Variants in GNA13 observed in about 807,000 individuals in gnomAD.
GNA13 encodes guanine nucleotide-binding protein subunit alpha-13.
GNA13 carries 4 observed loss-of-function variants against 33.5 expected under a neutral mutation model. The observed-to-expected ratio is 0.12, with a 90% CI of 0.06 to 0.27. The LOEUF is 0.27. Ranked by LOEUF, GNA13 falls within the 10% of genes least tolerant of loss-of-function variation. GNA13 has a pLI of 1.00. For missense variants in GNA13, 319 were observed against 487.2 expected, an observed-to-expected ratio of 0.65 and a Z score of 3.25; for synonymous variants, 176 against 183.8, an observed-to-expected ratio of 0.96 and a Z score of 0.34.
rs1389984174 is a variant in GNA13 at position 65,011,675 on chromosome 17, C to A, written c.*2582G>T. ...TCAGATTTAAGAACAGAATGTAACACAGGATTAGGCACATTTTATTCCAAA... is the reference window on the plus strand; with the variant it reads ...TCAGATTTAAGAACAGAATGTAACAAAGGATTAGGCACATTTTATTCCAAA... On this transcript the variant is annotated 3_prime_UTR_variant, in exon 4 of 4. Coordinates refer to ENST00000439174, the MANE Select transcript of GNA13 (RefSeq NM_006572.6). 4.4e-6 allele frequency: 1 copy of A among 225,932 alleles called. No homozygotes were observed. Among genetic ancestry groups the A allele is most frequent in the Non-Finnish European group, 8.8e-6 (1 of 113,396 alleles). 14.0% of individuals were successfully genotyped at this position (225,932 alleles called of 1,614,324 possible). A position where few individuals can be genotyped will look rare whatever the true frequency, so the allele number is the denominator to read the frequency against.
rs1221436966 is a variant in GNA13 at position 65,021,380 on chromosome 17, T to A, written c.511-3077A>T. On this transcript the variant is annotated intron_variant, in intron 2 of 3. Transcript: ENST00000439174. ...GTTGCCCCCACTTCACAACAATAAT[T>A]TGTTATAAACATCCTTTGCTTGTAA... 3.3e-5 allele frequency among the ~76,000 whole-genome samples: 5 copies of A among 152,214 alleles called. No homozygotes were observed. In the East Asian group the frequency reaches 7.7e-4, roughly 23 times the overall value.
chr17:65,020,416 T>C (rs1001467257), intron 2 of GNA13, among the ~76,000 whole-genome samples: 15 of 152,196 alleles, frequency 9.9e-5, no homozygotes, highest in African/African-American at 3.1e-4. Context: ...TGCAACAATT[T>C]CAGTTAGTTC....
intron 2 of GNA13, among the ~76,000 whole-genome samples, chr17:65,022,488 A>T (rs974004675): frequency 6.6e-6 from 1 of 152,242 alleles, no homozygotes; most frequent in Non-Finnish European, 1.5e-5. Context: ...AGTAGGATGT[A>T]AATAATTTTG....
intron 3 of GNA13, among the ~76,000 whole-genome samples, chr17:65,015,473 T>C (rs1906330240): frequency 6.6e-6 from 1 of 151,912 alleles, no homozygotes; most frequent in South Asian, 2.1e-4. Context: ...CCATCCTGGC[T>C]AACACAGTGA....
At chr17:65,016,691 G>A (rs1045802568) in intron 3 of GNA13, among the ~76,000 whole-genome samples, 1 of 152,186 alleles carries the variant, frequency 6.6e-6, no homozygotes, top group African/African-American at 2.4e-5. Context: ...AAGTAGGTGG[G>A]TTCTTAGTTA....
chr17:65,010,369 C>A lies in GNA13; in HGVS notation c.*3888G>T, dbSNP rs1262847351. ...GATCTAGTATACATTTATTAATAAG[C>A]CCTAACCTCGTACCATAAAAAAATG... On this transcript the variant is annotated 3_prime_UTR_variant, in exon 4 of 4. Transcript: ENST00000439174. 6.6e-6 allele frequency among the ~76,000 whole-genome samples: 1 copy of A among 151,898 alleles called. No homozygotes were observed. Among genetic ancestry groups the A allele is most frequent in the Non-Finnish European group, 1.5e-5 (1 of 67,990 alleles).
chr17:65,053,442 C>G, intron 2 of GNA13, 60 bp downstream of exon 2: 1 of 1,045,212 alleles, frequency 9.6e-7, no homozygotes, highest in East Asian at 2.4e-5. Context: ...GGATGTGCAA[C>G]CTGTATTACT....
chr17:65,034,040 C>CAAAAAAAAAAAAAA, intron 2 of GNA13, among the ~76,000 whole-genome samples: 1 of 75,966 alleles, frequency 1.3e-5, no homozygotes. Flanking sequence ...AAAAAAAAAT[C>CAAAAAAAAAAAAAA]CAAAAGAACC....
In GNA13 at chr17:65,055,521, T is replaced by C. The variant is rs531948032; in HGVS notation, c.283+790A>G. 4.5e-5 allele frequency: 33 copies of C among 737,092 alleles called. No individual in the cohort carries two copies. In the South Asian group the frequency reaches 1.9e-3, roughly 42 times the overall value. 45.7% of individuals were successfully genotyped at this position (737,092 alleles called of 1,614,324 possible). A position where few individuals can be genotyped will look rare whatever the true frequency, so the allele number is the denominator to read the frequency against. On this transcript the variant is annotated intron_variant, in intron 1 of 3. Coordinates refer to ENST00000439174, the MANE Select transcript of GNA13 (RefSeq NM_006572.6). ...AATAGAAGCAGTGGTACTCCCTTCC[T>C]GCCAGCCCCCAGTTACTTAGCGAAA...
intron 2 of GNA13, among the ~76,000 whole-genome samples, chr17:65,030,855 A>T (rs560117931): frequency 1.1e-4 from 16 of 152,310 alleles, no homozygotes; most frequent in South Asian, 6.2e-4. Flanking sequence ...TCAATTTTTT[A>T]AAAAAGTACC....
chr17:65,050,186 A>G (rs2143828375), intron 2 of GNA13, among the ~76,000 whole-genome samples: 1 of 152,340 alleles, frequency 6.6e-6, no homozygotes, highest in Non-Finnish European at 1.5e-5. Flanking sequence ...AGCAAGAGGT[A>G]GCAGAACACA....
At position 65,047,491 on chromosome 17, in the gene GNA13, CAA is replaced by C. The variant is rs796207852; in HGVS notation, c.510+6009_510+6010del. ...AAATATTTAACACTAATCCTAGAAT[CAA>C]AAGATAACCAATAGGTTTTTAGCAA... On this transcript the variant is annotated intron_variant, in intron 2 of 3. Coordinates refer to ENST00000439174, the MANE Select transcript of GNA13 (RefSeq NM_006572.6). 4.9e-4 allele frequency among the ~76,000 whole-genome samples: 75 copies of C among 152,210 alleles called. 1 individual carries two copies. Among genetic ancestry groups the C allele is most frequent in the African/African-American group, 1.6e-3 (66 of 41,556 alleles).
intron 3 of GNA13, among the ~76,000 whole-genome samples, chr17:65,016,813 T>G (rs1008335402): frequency 6.6e-6 from 1 of 152,270 alleles, no homozygotes; most frequent in Non-Finnish European, 1.5e-5. Context: ...AATCAGCATA[T>G]GCACACAGCG....
At position 65,010,653 on chromosome 17, in the gene GNA13, T is replaced by G. The variant is rs367935735; in HGVS notation, c.*3604A>C. 2 of 205,228 alleles carry G rather than the reference T, an allele frequency of 9.7e-6. No individual in the cohort carries two copies. Among genetic ancestry groups the G allele is most frequent in the East Asian group, 1.5e-4 (2 of 13,518 alleles). The allele number at this position is 205,228 out of a possible 1,614,324, so 12.7% of individuals were successfully genotyped here. On this transcript the variant is annotated 3_prime_UTR_variant, in exon 4 of 4. Coordinates refer to ENST00000439174, the MANE Select transcript of GNA13 (RefSeq NM_006572.6). ...GTCAGATTTCCAAGTGAAAAAGACA[T>G]GAGCAAAACTTCTGGTCTTAATTTC...
chr17:65,044,276 T>A (rs1907574053), intron 2 of GNA13, among the ~76,000 whole-genome samples: 1 of 152,222 alleles, frequency 6.6e-6, no homozygotes, highest in African/African-American at 2.4e-5. Context: ...AACAAAACTA[T>A]TTTCTTGATT....
chr17:65,028,388 G>A (rs72844358), intron 2 of GNA13, among the ~76,000 whole-genome samples: 249 of 135,332 alleles, frequency 1.8e-3, no homozygotes, highest in Non-Finnish European at 2.9e-3. Flanking sequence ...CAACCTGAGC[G>A]ACAGAGTGAG....
chr17:65,016,562 A>C lies in GNA13; in HGVS notation c.561+1691T>G, dbSNP rs1046268196. ...TTTCTAGTAAAGACGGGGTTTCACC[A>C]TTTTGGCCAGGCTGGTCTCGAACTC... On this transcript the variant is annotated intron_variant, in intron 3 of 3. Transcript: ENST00000439174. Among the ~76,000 whole-genome samples the C allele has an allele frequency of 3.9e-5, 6 of 152,238 alleles. No homozygotes were observed. In the South Asian group the frequency reaches 1.2e-3, roughly 32 times the overall value.
At chr17:65,034,779 GTATT>G (rs1422303915) in intron 2 of GNA13, among the ~76,000 whole-genome samples, 5 of 152,078 alleles carry the variant, frequency 3.3e-5, no homozygotes, top group Non-Finnish European at 7.4e-5. Context: ...CATATGTTTA[GTATT>G]TATTTTATTT....
chr17:65,017,744 G>C (rs1219672736), intron 3 of GNA13, among the ~76,000 whole-genome samples: 1 of 152,084 alleles, frequency 6.6e-6, no homozygotes, highest in Non-Finnish European at 1.5e-5. Context: ...ACACAAAGGG[G>C]GCATGAATTC....
Sources: allele counts gnomAD v4.1 joint callset (sites outside exome capture counted in the v4.1 genomes callset), GRCh38; gene constraint gnomAD v4.1.1; transcripts MANE v1.5; gene names NCBI Gene and HGNC (gene_info 2026-07-23, HGNC 2026-07-21).